Variants in AKNAD1 observed in about 807,000 individuals in gnomAD.
AKNAD1 encodes the protein protein AKNAD1.
AKNAD1 carries 67 observed loss-of-function variants against 90.8 expected under a neutral mutation model. The ratio of observed to expected loss-of-function variants is 0.74; its 90% CI spans 0.61 to 0.90. The LOEUF (loss-of-function observed/expected upper bound fraction) is 0.90, where lower values mean the gene tolerates loss of function less well. AKNAD1 is among the 40% of genes least tolerant of loss of function. The pLI is 0.00. For missense variants in AKNAD1, 957 were observed against 975.4 expected, an observed-to-expected ratio of 0.98 and a Z score of 0.25; for synonymous variants, 327 against 341.4, an observed-to-expected ratio of 0.96 and a Z score of 0.46.
chr1:108,843,409 C>T, intron 5 of AKNAD1, 142 bp from the exon 6 acceptor site: 3 of 1,073,408 alleles, frequency 2.8e-6, no homozygotes, highest in South Asian at 1.7e-5. Flanking sequence ...ATTGTTTTGT[C>T]TCAGAGTCTG....
At position 108,823,092 on chromosome 1, in the gene AKNAD1, C is replaced by G. The variant is rs1435805900; in HGVS notation, c.2167+278G>C. ...GTAAGTCATTTATTTGTTCAGCAAA[C>G]ATTTATGGGTTGCTACCAACTTGCA... is the stretch of plus-strand genomic sequence containing the variant. On this transcript the variant is annotated intron_variant, in intron 13 of 15. Transcript: ENST00000370001. The G allele has an allele frequency of 6.1e-6, 4 of 659,278 alleles. No individual in the cohort carries two copies. The East Asian group carries it at 8.1e-5, about 13-fold the overall frequency. The allele number at this position is 659,278 out of a possible 1,614,324, so 40.8% of individuals were successfully genotyped here.
In AKNAD1 at chr1:108,843,131, G is replaced by C; in HGVS notation, c.1379+3C>G. ...CACCTTACACAGTTGGTTTAAATCT[G>C]ACCTTTCTGGATCAAAGTCACCAAC... On this transcript the variant is annotated splice_donor_region_variant and intron_variant, in intron 6 of 15. Transcript: ENST00000370001. The C allele has an allele frequency of 6.2e-7, 1 of 1,613,858 alleles. No homozygotes were observed.
intron 15 of AKNAD1, 169 bp downstream of exon 15, chr1:108,816,879 G>T: frequency 2.9e-6 from 2 of 692,612 alleles, no homozygotes; most frequent in Non-Finnish European, 4.6e-6. Flanking sequence ...CAAACCTTGC[G>T]ACTGCTGAGG....
chr1:108,843,360 T>C (rs1664609371), intron 5 of AKNAD1, 93 bp from the exon 6 acceptor site: 1 of 1,464,716 alleles, frequency 6.8e-7, no homozygotes, highest in African/African-American at 1.4e-5. Flanking sequence ...CCTACAGTAG[T>C]GTCAAAACAA....
At position 108,836,276 on chromosome 1, in the gene AKNAD1, G is replaced by C. The variant is rs908154341; in HGVS notation, c.1537-1220C>G. Among the ~76,000 whole-genome samples, 12 of 152,348 alleles carry C rather than the reference G, an allele frequency of 7.9e-5. No homozygotes were observed. The South Asian group carries it at 2.5e-3, about 32-fold the overall frequency. On this transcript the variant is annotated intron_variant, in intron 7 of 15. Transcript: ENST00000370001. ...CCAAGACTAGCAGGGCAGCCGCTGT[G>C]AGCCTGGAAACTGCTTGGGTGCCTT...
At chr1:108,855,300 C>G (rs570165337) in intron 1 of AKNAD1, among the ~76,000 whole-genome samples, 1 of 152,266 alleles carries the variant, frequency 6.6e-6, no homozygotes, top group East Asian at 1.9e-4. Context: ...GTAGTCCCAG[C>G]TAGTCAGGAG....
At chr1:108,850,241 T>G (rs1024923031) in intron 2 of AKNAD1, among the ~76,000 whole-genome samples, 1 of 152,200 alleles carries the variant, frequency 6.6e-6, no homozygotes, top group Admixed American at 6.5e-5. Flanking sequence ...CTGGTCAAAA[T>G]GGACTATGGT....
chr1:108,839,471 T>TAAAAAAAAAAAAAAAAAAAAAA (rs3044857), intron 6 of AKNAD1, among the ~76,000 whole-genome samples: 34 of 126,146 alleles, frequency 2.7e-4, no homozygotes, highest in East Asian at 4.2e-4. Context: ...TCCGTCTCAA[T>TAAAAAAAAAAAAAAAAAAAAAA]AAAAAAAAAA....
chr1:108,828,016 C>T (rs1664067606), intron 10 of AKNAD1, among the ~76,000 whole-genome samples: 2 of 151,404 alleles, frequency 1.3e-5, no homozygotes, highest in African/African-American at 4.8e-5. Context: ...CTTTGGGAGG[C>T]CAAGGAGGGT....
chr1:108,847,053 C>T (rs935826731), intron 5 of AKNAD1, among the ~76,000 whole-genome samples: 13 of 152,238 alleles, frequency 8.5e-5, no homozygotes, highest in African/African-American at 2.9e-4. Context: ...TGCCAGCCTT[C>T]GTTCAGGCCC....
At chr1:108,849,668 G>A in intron 2 of AKNAD1, 92 bp from the exon 3 acceptor site, 1 of 928,160 alleles carries the variant, frequency 1.1e-6, no homozygotes, top group Non-Finnish European at 1.7e-6. Context: ...TCATCATAGA[G>A]GGAGCCCAGG....
chr1:108,824,493 A>G (rs759011472), intron 11 of AKNAD1, among the ~76,000 whole-genome samples: 3 of 151,728 alleles, frequency 2.0e-5, no homozygotes, highest in Non-Finnish European at 4.4e-5. Context: ...ACTTCATTGT[A>G]TAATAACAAA....
intron 15 of AKNAD1, chr1:108,816,792 G>A: frequency 2.3e-6 from 1 of 426,500 alleles, no homozygotes; most frequent in Non-Finnish European, 4.3e-6. Flanking sequence ...CCCCGGCCAG[G>A]GAAATCCTGT....
intron 2 of AKNAD1, among the ~76,000 whole-genome samples, chr1:108,851,075 G>A (rs192745875): frequency 1.5e-3 from 229 of 152,324 alleles, no homozygotes; most frequent in Middle Eastern, 3.4e-3. Flanking sequence ...GGCCTCTGGG[G>A]GAAATTAGGC....
intron 5 of AKNAD1, among the ~76,000 whole-genome samples, chr1:108,843,917 G>C (rs1664628334): frequency 6.6e-6 from 1 of 152,186 alleles, no homozygotes; most frequent in Non-Finnish European, 1.5e-5. Flanking sequence ...ATGTATGGAG[G>C]CTTCAGTTCC....
intron 5 of AKNAD1, among the ~76,000 whole-genome samples, chr1:108,847,953 G>C (rs1011455764): frequency 2.0e-5 from 3 of 152,212 alleles, no homozygotes; most frequent in South Asian, 4.1e-4. Context: ...GACATAGAAA[G>C]TGCCTGATAA....
intron 10 of AKNAD1, among the ~76,000 whole-genome samples, chr1:108,829,037 C>T (rs1357426302): frequency 6.6e-6 from 1 of 151,696 alleles, no homozygotes; most frequent in Non-Finnish European, 1.5e-5. Context: ...TTACAAATAT[C>T]CTGAAAACAG....
rs139022413 is a variant in AKNAD1 at position 108,830,585 on chromosome 1, A to T, written c.1812T>A (p.Cys604Ter). ...ATTCAAGGAGCCTGCGACAGAAGGC[A>T]CAGCTCGGACTGGGTGCCGTCATCT... ...CAEMTAPSPS[C>*]AFCRRLLEWK... Residue 604 changes from cysteine (C) to a stop codon, truncating the protein, a stop_gained, in exon 10 of 16, where the codon TGT becomes TGA. Transcript: ENST00000370001. LOFTEE classifies it high-confidence loss of function. The T allele has an allele frequency of 6.2e-7, 1 of 1,614,124 alleles. No homozygotes were observed. Among genetic ancestry groups the T allele is most frequent in the Non-Finnish European group, 8.5e-7 (1 of 1,180,030 alleles).
At chr1:108,856,745 AAC>A (rs1665059044) in intron 1 of AKNAD1, among the ~76,000 whole-genome samples, 182 bp downstream of exon 1, 1 of 151,076 alleles carries the variant, frequency 6.6e-6, no homozygotes, top group Non-Finnish European at 1.5e-5. Flanking sequence ...CACACACACA[AAC>A]ACACACACAG....
Sources: gnomAD v4.1 joint callset for allele counts (sites outside exome capture counted in the v4.1 genomes callset) on GRCh38, gnomAD v4.1.1 for gene constraint, MANE v1.5 for transcripts, NCBI Gene and HGNC (gene_info 2026-07-23, HGNC 2026-07-21) for gene names.